Variants in SLC41A2 observed in about 807,000 individuals in gnomAD.
SLC41A2 encodes the protein SLC41A1-like 1.
SLC41A2 carries 32 observed loss-of-function variants against 58.3 expected under a neutral mutation model. That is an observed-to-expected ratio of 0.55 (90% CI 0.41 to 0.74). The LOEUF (loss-of-function observed/expected upper bound fraction) is 0.74. Among genes scored for constraint, SLC41A2 ranks in the 30% least tolerant of loss-of-function variants. The pLI is 0.00. For missense variants in SLC41A2, 514 were observed against 680.6 expected (o/e 0.76, Z 2.72); for synonymous variants, 190 against 235.0 (o/e 0.81, Z 1.75).
At chr12:104,843,305 A>T (rs1194760145) in intron 10 of SLC41A2, among the ~76,000 whole-genome samples, 1 of 151,934 alleles carries the variant, frequency 6.6e-6, no homozygotes, top group Non-Finnish European at 1.5e-5. Context: ...ATCTAGTAGC[A>T]TGAAGGTTTA....
rs1593072830 is a variant in SLC41A2 at position 104,886,396 on chromosome 12, A to G, written c.924T>C (p.Gly308=). The G allele has an allele frequency of 2.5e-6, 4 of 1,613,538 alleles. No individual in the cohort carries two copies. The East Asian group carries it at 8.9e-5, about 36-fold the overall frequency. Residue 308 remains glycine (G), a synonymous_variant, in exon 6 of 11, where the codon GGT becomes GGC. Transcript: ENST00000258538. ...GTGTAGCAACATTATCAGGATTTATACCAGTCTTCTTTGAACCAACGATAA... is the reference window on the plus strand; with the variant it reads ...GTGTAGCAACATTATCAGGATTTATGCCAGTCTTCTTTGAACCAACGATAA... The part of the protein sequence containing the change: ...VGVIVGSKKT[G]INPDNVATPI...
intron 1 of SLC41A2, among the ~76,000 whole-genome samples, chr12:104,948,163 GCTTT>G (rs1565924289): frequency 1.3e-5 from 2 of 152,076 alleles, no homozygotes; most frequent in African/African-American, 4.8e-5. Flanking sequence ...TAAAAATTTT[GCTTT>G]CTTTGTCATA....
intron 10 of SLC41A2, among the ~76,000 whole-genome samples, chr12:104,840,465 A>G (rs1295928238): frequency 6.6e-6 from 1 of 152,248 alleles, no homozygotes; most frequent in Non-Finnish European, 1.5e-5. Context: ...CTGATGGTAT[A>G]AAAGGTATAA....
chr12:104,911,556 T>C (rs1412758816), intron 2 of SLC41A2, among the ~76,000 whole-genome samples: 1 of 152,182 alleles, frequency 6.6e-6, no homozygotes, highest in Non-Finnish European at 1.5e-5. Context: ...TATCAAAAAG[T>C]ATCAAAAATA....
intron 6 of SLC41A2, among the ~76,000 whole-genome samples, chr12:104,884,907 T>C (rs146609863): frequency 4.6e-5 from 7 of 152,334 alleles, no homozygotes; most frequent in African/African-American, 1.7e-4. Context: ...ATGCTAGCCA[T>C]AAGCTAATAT....
At chr12:104,888,271 G>T (rs1197929511) in intron 5 of SLC41A2, among the ~76,000 whole-genome samples, 1 of 151,958 alleles carries the variant, frequency 6.6e-6, no homozygotes, top group Admixed American at 6.6e-5. Flanking sequence ...ATTTTAATAA[G>T]ATTCCCTAAA....
At chr12:104,899,269 G>C (rs2135723245) in intron 3 of SLC41A2, among the ~76,000 whole-genome samples, 1 of 151,918 alleles carries the variant, frequency 6.6e-6, no homozygotes, top group Non-Finnish European at 1.5e-5. Flanking sequence ...CTAATATCTG[G>C]GCCCAATTAG....
intron 1 of SLC41A2, 100 bp downstream of exon 1, chr12:104,957,988 G>T (rs1384653392): frequency 2.0e-5 from 3 of 151,778 alleles, no homozygotes; most frequent in Admixed American, 6.6e-5. Flanking sequence ...CCCCGCCGCC[G>T]GGTCCCGAGC....
At chr12:104,941,522 T>G (rs1266316625) in intron 1 of SLC41A2, among the ~76,000 whole-genome samples, 1 of 152,204 alleles carries the variant, frequency 6.6e-6, no homozygotes, top group Non-Finnish European at 1.5e-5. Context: ...TATAAATTTT[T>G]TAAAGGAATT....
chr12:104,925,993 A>G (rs1229517270), intron 2 of SLC41A2, among the ~76,000 whole-genome samples: 2 of 152,224 alleles, frequency 1.3e-5, no homozygotes, highest in Admixed American at 6.5e-5. Flanking sequence ...ATGTACTGCA[A>G]TATAGTTCCT....
rs543080842 is a variant in SLC41A2 at position 104,949,781 on chromosome 12, C to T, written c.-168+8307G>A. Among the ~76,000 whole-genome samples, 7 of 152,264 alleles carry T rather than the reference C, an allele frequency of 4.6e-5. No homozygotes were observed. The South Asian group carries it at 1.0e-3, about 23-fold the overall frequency. ...TATTTTTAGTAAGGACGAGGTTTCT[C>T]CACGTTGGTCAGGCTGGCCTCGAAC... On this transcript the variant is annotated intron_variant, in intron 1 of 10. Transcript: ENST00000258538.
intron 10 of SLC41A2, among the ~76,000 whole-genome samples, chr12:104,840,248 C>T (rs1047287399): frequency 2.0e-5 from 3 of 152,078 alleles, no homozygotes; most frequent in Non-Finnish European, 4.4e-5. Flanking sequence ...ATGGAGCATC[C>T]GAGTAAGTAG....
intron 2 of SLC41A2, among the ~76,000 whole-genome samples, chr12:104,912,703 C>T (rs60827202): frequency 0.015 from 2,254 of 152,274 alleles, 69 homozygotes; most frequent in African/African-American, 0.051. Flanking sequence ...GAGGAGATCA[C>T]CGGAACCCCA....
At chr12:104,910,415 G>GT (rs1340961593) in intron 2 of SLC41A2, among the ~76,000 whole-genome samples, 1 of 152,144 alleles carries the variant, frequency 6.6e-6, no homozygotes, top group Non-Finnish European at 1.5e-5. Context: ...GATGAGTCAT[G>GT]TATCTTTCTG....
chr12:104,902,925 G>C (rs1276637978), intron 3 of SLC41A2, among the ~76,000 whole-genome samples: 2 of 152,136 alleles, frequency 1.3e-5, no homozygotes, highest in Non-Finnish European at 2.9e-5. Context: ...TTGAGATCTA[G>C]TTCTCTAAGC....
At chr12:104,837,242 TA>T (rs1323227459) in intron 10 of SLC41A2, among the ~76,000 whole-genome samples, 2 of 152,160 alleles carry the variant, frequency 1.3e-5, no homozygotes, top group Non-Finnish European at 2.9e-5. Context: ...TCACCAGTAT[TA>T]AGACAATGGT....
chr12:104,919,765 C>G (rs905295488), intron 2 of SLC41A2, among the ~76,000 whole-genome samples: 1 of 152,020 alleles, frequency 6.6e-6, no homozygotes, highest in Non-Finnish European at 1.5e-5. Flanking sequence ...TATTTTTTCC[C>G]ACTCTGTAGC....
In SLC41A2 at chr12:104,876,300, G is replaced by A. The variant is rs77933593; in HGVS notation, c.1028-9721C>T. 8.1e-3 allele frequency among the ~76,000 whole-genome samples: 1,225 copies of A among 151,850 alleles called. 22 individuals carry two copies. The highest frequency in any genetic ancestry group is 0.028 in the African/African-American group (1,150 of 41,440). On this transcript the variant is annotated intron_variant, in intron 6 of 10. Transcript: ENST00000258538. ...TTAACTCCTTCCTTCTGCTAACTTT[G>A]GGTTTACTTTATTCTTTTTTTCCTA...
chr12:104,835,724 C>G (rs1180144438), intron 10 of SLC41A2, among the ~76,000 whole-genome samples: 1 of 152,162 alleles, frequency 6.6e-6, no homozygotes, highest in Non-Finnish European at 1.5e-5. Flanking sequence ...GAATATCCTT[C>G]TGGGGCAATA....
Sources: gnomAD v4.1 joint callset for allele counts (sites outside exome capture counted in the v4.1 genomes callset) on GRCh38, gnomAD v4.1.1 for gene constraint, MANE v1.5 for transcripts, NCBI Gene and HGNC (gene_info 2026-07-23, HGNC 2026-07-21) for gene names.